Variants in LRP1B observed in about 807,000 individuals in gnomAD.
LRP1B encodes LDL receptor related protein 1B.
A neutral mutation model predicts 556.6 loss-of-function variants in LRP1B; 217 were observed. The observed-to-expected ratio is 0.39, with a 90% CI of 0.35 to 0.44. The LOEUF is 0.44. Ranked by LOEUF, LRP1B falls within the 20% of genes least tolerant of loss-of-function variation. The pLI, the probability that LRP1B is intolerant of heterozygous loss-of-function variation, is 1.00. For missense variants in LRP1B, 5,053 were observed against 5,620.8 expected, an observed-to-expected ratio of 0.90 and a Z score of 3.23; for synonymous variants, 2,047 against 1,865.8, an observed-to-expected ratio of 1.10 and a Z score of -2.50.
chr2:141,009,162 T>A (rs1697666299), intron 14 of LRP1B, among the ~76,000 whole-genome samples: 1 of 151,694 alleles, frequency 6.6e-6, no homozygotes, highest in African/African-American at 2.4e-5. Flanking sequence ...GCAGTTAATA[T>A]AAAATATGTG....
At chr2:142,077,700 G>T (rs966615220) in intron 1 of LRP1B, among the ~76,000 whole-genome samples, 3 of 152,020 alleles carry the variant, frequency 2.0e-5, no homozygotes, top group African/African-American at 4.8e-5. Context: ...GAGAGAGTTT[G>T]GGAGTACAGT....
At position 141,566,989 on chromosome 2, in the gene LRP1B, AT is replaced by A. The variant is rs757858270; in HGVS notation, c.206-86457del. Among the ~76,000 whole-genome samples the A allele has an allele frequency of 3.9e-5, 6 of 152,216 alleles. No homozygotes were observed. The East Asian group carries it at 9.6e-4, about 24-fold the overall frequency. On this transcript the variant is annotated intron_variant, in intron 2 of 90. Coordinates refer to ENST00000389484, the MANE Select transcript of LRP1B (RefSeq NM_018557.3). ...CTAAGGGTTATCTTAATTTGCTTCA[AT>A]CAACCTGGCCAGCAACAGCTAGCAT...
At chr2:140,303,197 C>T (rs964233490) in intron 83 of LRP1B, among the ~76,000 whole-genome samples, 3 of 151,420 alleles carry the variant, frequency 2.0e-5, no homozygotes, top group Admixed American at 2.0e-4. Context: ...AATGTTCCAG[C>T]AATGGGTCAT....
At chr2:141,829,355 C>A (rs1052549803) in intron 1 of LRP1B, among the ~76,000 whole-genome samples, 4 of 151,934 alleles carry the variant, frequency 2.6e-5, no homozygotes, top group African/African-American at 9.7e-5. Flanking sequence ...GTATAACTAA[C>A]GCAAATATGA....
intron 31 of LRP1B, among the ~76,000 whole-genome samples, chr2:140,819,659 G>A (rs1228120444): frequency 6.6e-6 from 1 of 152,000 alleles, no homozygotes; most frequent in African/African-American, 2.4e-5. Flanking sequence ...CAATATCATA[G>A]GAAAATGCAA....
chr2:140,580,817 C>A (rs970211333), intron 43 of LRP1B, among the ~76,000 whole-genome samples: 1 of 152,156 alleles, frequency 6.6e-6, no homozygotes, highest in Non-Finnish European at 1.5e-5. Flanking sequence ...AACTGAAAAG[C>A]TATTACTTCA....
At chr2:141,677,075 A>G (rs572644646) in intron 2 of LRP1B, among the ~76,000 whole-genome samples, 7 of 152,308 alleles carry the variant, frequency 4.6e-5, no homozygotes, top group Admixed American at 4.6e-4. Context: ...TGTTATAGAA[A>G]TAGACTCTAG....
At chr2:141,006,239 G>A (rs74785457) in intron 14 of LRP1B, among the ~76,000 whole-genome samples, 16,501 of 152,000 alleles carry the variant, frequency 0.11, 983 homozygotes, top group East Asian at 0.22. Context: ...TCAGATCAGG[G>A]TAATTGGCAT....
chr2:140,329,516 C>T (rs1025318615), intron 79 of LRP1B, among the ~76,000 whole-genome samples: 6 of 151,944 alleles, frequency 3.9e-5, no homozygotes, highest in Non-Finnish European at 8.8e-5. Flanking sequence ...AGCTCAAAAG[C>T]TTCTTAAGTT....
chr2:141,250,619 T>C (rs553898263), intron 4 of LRP1B, among the ~76,000 whole-genome samples: 1 of 152,276 alleles, frequency 6.6e-6, no homozygotes, highest in Admixed American at 6.5e-5. Context: ...AATGACTACA[T>C]CTGAGGAGAG....
chr2:141,669,785 C>T (rs1354853421), intron 2 of LRP1B, among the ~76,000 whole-genome samples: 5 of 152,056 alleles, frequency 3.3e-5, no homozygotes, highest in African/African-American at 1.2e-4. Context: ...TACAGAGTCT[C>T]ACTCTGTCTT....
intron 3 of LRP1B, among the ~76,000 whole-genome samples, chr2:141,458,859 G>A (rs7604705): frequency 0.72 from 109,202 of 152,038 alleles, 41,938 homozygotes; most frequent in Non-Finnish European, 0.85. Context: ...GTCATTCCCA[G>A]GTTCATGTAT....
At chr2:141,694,527 T>G (rs1260912247) in intron 2 of LRP1B, among the ~76,000 whole-genome samples, 1 of 151,276 alleles carries the variant, frequency 6.6e-6, no homozygotes, top group Non-Finnish European at 1.5e-5. Flanking sequence ...CATGGCTAGT[T>G]AGTGATTGAT....
chr2:140,289,625 T>C (rs1396365132), intron 84 of LRP1B, among the ~76,000 whole-genome samples: 1 of 151,784 alleles, frequency 6.6e-6, no homozygotes, highest in Non-Finnish European at 1.5e-5. Context: ...AATGAAGGCA[T>C]AACATTAAAA....
chr2:140,941,252 A>G (rs1695393086), intron 20 of LRP1B, among the ~76,000 whole-genome samples: 1 of 152,146 alleles, frequency 6.6e-6, no homozygotes, highest in African/African-American at 2.4e-5. Flanking sequence ...AGAAAATGGT[A>G]AAGAGGAGAA....
At chr2:140,992,933 G>C (rs1697134961) in intron 16 of LRP1B, among the ~76,000 whole-genome samples, 1 of 151,838 alleles carries the variant, frequency 6.6e-6, no homozygotes, top group Non-Finnish European at 1.5e-5. Flanking sequence ...AGAAAATGCA[G>C]TCCTATATTT....
At chr2:141,048,111 A>G (rs1698930731) in intron 11 of LRP1B, among the ~76,000 whole-genome samples, 1 of 152,142 alleles carries the variant, frequency 6.6e-6, no homozygotes, top group Non-Finnish European at 1.5e-5. Flanking sequence ...AATTCCTTTT[A>G]TCTCCTGCGA....
rs146941173 is a variant in LRP1B at position 141,433,230 on chromosome 2, T to C, written c.343+47166A>G. On this transcript the variant is annotated intron_variant, in intron 3 of 90. Transcript: ENST00000389484. The stretch of plus-strand genomic sequence containing the variant: ...TCTGTTATTGATTTCTAATTTAATT[T>C]CCTTGTATTTAAAGAATATGCTTTG... Among the ~76,000 whole-genome samples the C allele has an allele frequency of 6.4e-3, 977 of 152,204 alleles. 12 individuals are homozygous for C. Among genetic ancestry groups the C allele is most frequent in the African/African-American group, 0.023 (942 of 41,564 alleles).
intron 2 of LRP1B, among the ~76,000 whole-genome samples, chr2:141,732,774 A>T (rs748325828): frequency 2.0e-4 from 31 of 152,176 alleles, no homozygotes; most frequent in Non-Finnish European, 4.0e-4. Flanking sequence ...TACCCCTTGT[A>T]GCAGAAATGT....
Sources: allele counts gnomAD v4.1 joint callset (sites outside exome capture counted in the v4.1 genomes callset), GRCh38; gene constraint gnomAD v4.1.1; transcripts MANE v1.5; gene names NCBI Gene and HGNC (gene_info 2026-07-23, HGNC 2026-07-21).